The following PLEKHG4B variants were observed in gnomAD, a reference collection of about 807,000 sequenced individuals.
The protein encoded by PLEKHG4B is pleckstrin homology domain-containing family G member 4B.
Under a neutral mutation model 121.3 loss-of-function variants are expected in PLEKHG4B, and 111 were observed. The observed-to-expected ratio is 0.92, with a 90% CI of 0.78 to 1.07. PLEKHG4B has a LOEUF of 1.07. PLEKHG4B is among the 50% of genes least tolerant of loss of function. The pLI is 0.00. For missense variants in PLEKHG4B, 1,831 were observed against 1,757.8 expected (o/e 1.04, Z -0.74); for synonymous variants, 738 against 725.0 (o/e 1.02, Z -0.29).
intron 11 of PLEKHG4B, among the ~76,000 whole-genome samples, chr5:161,464 C>T (rs976406752): frequency 6.6e-6 from 1 of 152,214 alleles, no homozygotes; most frequent in African/African-American, 2.4e-5. Flanking sequence ...GCCAGGCTGT[C>T]AGCCCTGTGC....
intron 3 of PLEKHG4B, among the ~76,000 whole-genome samples, chr5:140,975 C>T (rs1438737559): frequency 4.7e-5 from 1 of 21,124 alleles, no homozygotes; most frequent in African/African-American, 2.2e-4. Context: ...CCACCCCTTC[C>T]GCTGCACACC....
chr5:112,919 A>T (rs535287907), intron 1 of PLEKHG4B, among the ~76,000 whole-genome samples: 5 of 152,142 alleles, frequency 3.3e-5, no homozygotes, highest in African/African-American at 1.2e-4. Flanking sequence ...CTTACCCTAA[A>T]TCTAGGCTTG....
chr5:169,944 G>C (rs1292995908), intron 14 of PLEKHG4B, among the ~76,000 whole-genome samples: 1 of 152,174 alleles, frequency 6.6e-6, no homozygotes, highest in East Asian at 1.9e-4. Flanking sequence ...TCCGGGGAGA[G>C]GCCAGGCCTC....
In PLEKHG4B at chr5:182,566, T is replaced by G; in HGVS notation, c.*243T>G. 1 of 525,256 alleles carries G rather than the reference T, an allele frequency of 1.9e-6. No individual in the cohort carries two copies. Among genetic ancestry groups the G allele is most frequent in the Non-Finnish European group, 3.4e-6 (1 of 295,078 alleles). The allele number at this position is 525,256 out of a possible 1,614,324, so 32.5% of individuals were successfully genotyped here. On this transcript the variant is annotated 3_prime_UTR_variant, in exon 20 of 20. Coordinates refer to ENST00000637938, the MANE Select transcript of PLEKHG4B (RefSeq NM_052909.5). Reference sequence around the variant, plus strand: ...TCCACTTCCACCCAAGACAACAGCATAGGAAACAGACCTAAAACAAGACAA... The same window carrying G: ...TCCACTTCCACCCAAGACAACAGCAGAGGAAACAGACCTAAAACAAGACAA...
chr5:129,855 G>T (rs1398101062), intron 2 of PLEKHG4B, among the ~76,000 whole-genome samples: 1 of 151,976 alleles, frequency 6.6e-6, no homozygotes, highest in Non-Finnish European at 1.5e-5. Flanking sequence ...CTAATTGCCA[G>T]TCCTGACCAC....
At position 140,726 on chromosome 5, in the gene PLEKHG4B, C is replaced by T. The variant is rs760801570; in HGVS notation, c.1477+10C>T. The stretch of plus-strand genomic sequence containing the variant: ...TGCACCAAAGAGGAAGGTAAATGCT[C>T]CCCACGCCCTCCCCTGCGCACCCCC... On this transcript the variant is annotated intron_variant, in intron 3 of 19. Transcript: ENST00000637938. The T allele has an allele frequency of 2.6e-6, 4 of 1,544,560 alleles. No homozygotes were observed. Among genetic ancestry groups the T allele is most frequent in the South Asian group, 1.2e-5 (1 of 80,588 alleles).
chr5:110,009 ATC>A (rs1734091143), intron 1 of PLEKHG4B, among the ~76,000 whole-genome samples: 1 of 150,140 alleles, frequency 6.7e-6, no homozygotes, highest in Non-Finnish European at 1.5e-5. Flanking sequence ...CACCCACAAA[ATC>A]TGTAACACAC....
intron 1 of PLEKHG4B, among the ~76,000 whole-genome samples, chr5:93,861 C>T (rs1733547761): frequency 6.6e-6 from 1 of 152,286 alleles, no homozygotes; most frequent in Middle Eastern, 3.4e-3. Context: ...CCTGTATTCA[C>T]AGGTTGTATC....
intron 19 of PLEKHG4B, 108 bp from the exon 20 acceptor site, chr5:181,896 C>T: frequency 2.2e-6 from 3 of 1,354,314 alleles, no homozygotes; most frequent in Non-Finnish European, 3.1e-6. Context: ...GGCATGACTG[C>T]AGTGGCAAAG....
chr5:118,048 T>C (rs6896946), intron 2 of PLEKHG4B, among the ~76,000 whole-genome samples: 28,944 of 152,022 alleles, frequency 0.19, 3,809 homozygotes, highest in African/African-American at 0.37. Flanking sequence ...GACACGAGTC[T>C]AAAAAATAAT....
Position 168,294 on chromosome 5 carries a change from C to T in PLEKHG4B, c.3477-1046C>T, listed in dbSNP as rs377745755. 3.3e-3 allele frequency among the ~76,000 whole-genome samples: 500 copies of T among 152,312 alleles called. 5 individuals carry two copies. Among genetic ancestry groups the T allele is most frequent in the South Asian group, 0.021 (103 of 4,822 alleles). On this transcript the variant is annotated intron_variant, in intron 13 of 19. Coordinates refer to ENST00000637938, the MANE Select transcript of PLEKHG4B (RefSeq NM_052909.5). ...CAGCCAAGGGTGGGGCTGAGGGTTC[C>T]GTGGAGGGCCATCCCTGGGGCCTAG...
At chr5:179,076 T>C (rs1334795355) in intron 18 of PLEKHG4B, among the ~76,000 whole-genome samples, 3 of 152,236 alleles carry the variant, frequency 2.0e-5, no homozygotes, top group Admixed American at 6.5e-5. Context: ...GTGCTTCCTA[T>C]TAATATAGCT....
intron 2 of PLEKHG4B, among the ~76,000 whole-genome samples, chr5:117,900 C>G (rs991661931): frequency 1.3e-5 from 2 of 151,916 alleles, no homozygotes; most frequent in Non-Finnish European, 2.9e-5. Context: ...AATATAGAAA[C>G]AGGATATTTC....
intron 5 of PLEKHG4B, among the ~76,000 whole-genome samples, chr5:144,598 CCAGAG>C (rs781495917): frequency 5.9e-5 from 9 of 152,142 alleles, no homozygotes; most frequent in Non-Finnish European, 1.2e-4. Flanking sequence ...CCCCATGTGC[CCAGAG>C]ACACTGTCTG....
chr5:175,310 G>A (rs1294744636), intron 18 of PLEKHG4B, among the ~76,000 whole-genome samples: 1 of 151,292 alleles, frequency 6.6e-6, no homozygotes, highest in Non-Finnish European at 1.5e-5. Context: ...GTCCACCCTC[G>A]TTTGCTCCCC....
At chr5:108,829 G>A (rs1442960380) in intron 1 of PLEKHG4B, among the ~76,000 whole-genome samples, 1 of 152,222 alleles carries the variant, frequency 6.6e-6, no homozygotes, top group Non-Finnish European at 1.5e-5. Flanking sequence ...CCCTGTTTGG[G>A]ACGAGGCTTC....
At chr5:169,055 G>A (rs1736446782) in intron 13 of PLEKHG4B, 2 of 389,452 alleles carry the variant, frequency 5.1e-6, no homozygotes, top group Admixed American at 8.6e-5. Context: ...TTTGTATTTT[G>A]AGTAGAGACG....
intron 1 of PLEKHG4B, among the ~76,000 whole-genome samples, chr5:104,808 A>G (rs1423064584): frequency 1.3e-5 from 2 of 152,260 alleles, no homozygotes; most frequent in Non-Finnish European, 2.9e-5. Context: ...GAAAAGCACA[A>G]CAATCATGCG....
intron 16 of PLEKHG4B, among the ~76,000 whole-genome samples, chr5:172,439 G>C (rs1736589766): frequency 6.6e-6 from 1 of 152,244 alleles, no homozygotes; most frequent in Admixed American, 6.5e-5. Context: ...CGGATTCCCA[G>C]GGGCTATTTA....
Sources: allele counts gnomAD v4.1 joint callset (sites outside exome capture counted in the v4.1 genomes callset), GRCh38; gene constraint gnomAD v4.1.1; transcripts MANE v1.5; gene names NCBI Gene and HGNC (gene_info 2026-07-23, HGNC 2026-07-21).